ME3: variants seen among roughly 807,000 people sequenced by gnomAD.
ME3 encodes the protein NADP-dependent malic enzyme, mitochondrial.
Under a neutral mutation model 68.9 loss-of-function variants are expected in ME3, and 48 were observed. The ratio of observed to expected loss-of-function variants is 0.70; its 90% CI spans 0.55 to 0.89. ME3 has a LOEUF of 0.89. Among genes scored for constraint, ME3 ranks in the 40% least tolerant of loss-of-function variants. ME3 has a pLI of 0.00. For synonymous variants in ME3, 320 were observed against 318.8 expected (o/e 1.00, Z -0.04); for missense variants, 675 against 797.4 (o/e 0.85, Z 1.85).
At chr11:86,501,378 A>G (rs1952713687) in intron 5 of ME3, among the ~76,000 whole-genome samples, 1 of 152,216 alleles carries the variant, frequency 6.6e-6, no homozygotes, top group African/African-American at 2.4e-5. Context: ...CCAGTTTATC[A>G]TTAACACAGA....
At chr11:86,529,272 TC>T (rs1955016456) in intron 4 of ME3, among the ~76,000 whole-genome samples, 2 of 152,112 alleles carry the variant, frequency 1.3e-5, no homozygotes, top group African/African-American at 4.8e-5. Flanking sequence ...ATGGATAAAT[TC>T]CTCGACACAT....
chr11:86,543,253 G>T (rs985172538), intron 4 of ME3, among the ~76,000 whole-genome samples: 9 of 152,132 alleles, frequency 5.9e-5, no homozygotes, highest in African/African-American at 2.2e-4. Context: ...CAACTAATGG[G>T]CAAAGTAACA....
At chr11:86,645,279 C>A (rs776248534) in intron 2 of ME3, among the ~76,000 whole-genome samples, 1 of 152,170 alleles carries the variant, frequency 6.6e-6, no homozygotes, top group Non-Finnish European at 1.5e-5. Flanking sequence ...TCAGATCCCA[C>A]CCCCACAGAG....
chr11:86,444,550 T>A (rs868321219), intron 13 of ME3, among the ~76,000 whole-genome samples: 1 of 152,176 alleles, frequency 6.6e-6, no homozygotes, highest in African/African-American at 2.4e-5. Context: ...AGAAAAGTTA[T>A]CCTGAGAAGA....
intron 2 of ME3, among the ~76,000 whole-genome samples, chr11:86,636,212 C>G (rs1471795629): frequency 1.3e-5 from 2 of 151,008 alleles, no homozygotes; most frequent in Non-Finnish European, 3.0e-5. Context: ...GTTAAATCCT[C>G]TGTGAGAGCT....
At chr11:86,637,947 T>C (rs931708806) in intron 2 of ME3, among the ~76,000 whole-genome samples, 1 of 145,850 alleles carries the variant, frequency 6.9e-6, no homozygotes, top group Non-Finnish European at 1.5e-5. Context: ...TGAATATATA[T>C]GTGCAGACAT....
At chr11:86,494,087 A>G (rs1323032608) in intron 6 of ME3, among the ~76,000 whole-genome samples, 1 of 152,000 alleles carries the variant, frequency 6.6e-6, no homozygotes, top group Admixed American at 6.5e-5. Flanking sequence ...GGGAGATCAC[A>G]TAGTGAATCC....
intron 11 of ME3, among the ~76,000 whole-genome samples, chr11:86,447,563 A>AGGCCAGGT (rs796120709): frequency 6.6e-5 from 10 of 152,166 alleles, no homozygotes; most frequent in African/African-American, 2.4e-4. Context: ...TAGAGAGACC[A>AGGCCAGGT]GGCCAGGTGT....
intron 4 of ME3, among the ~76,000 whole-genome samples, chr11:86,543,183 C>A (rs1791443): frequency 0.16 from 24,551 of 152,138 alleles, 2,060 homozygotes; most frequent in East Asian, 0.26. Context: ...AAAGCTGGTA[C>A]CAGCCACTGC....
rs1565893925 is a variant in ME3 at position 86,521,418 on chromosome 11, C to CA, written c.468-12552dup. On this transcript the variant is annotated intron_variant, in intron 4 of 14. Coordinates refer to ENST00000543262, the Ensembl canonical transcript of ME3. ...TCAAAAACAAACAAACAAAACAAAA[C>CA]AAAACAAAACAAAAATAATAATAAT... 2.8e-4 allele frequency among the ~76,000 whole-genome samples: 26 copies of CA among 94,390 alleles called. 1 individual carries two copies. The highest frequency in any genetic ancestry group is 1.7e-3 in the South Asian group (5 of 2,886). The allele number at this position is 94,390 out of a possible 152,430, so 61.9% of individuals were successfully genotyped here. A position where few individuals can be genotyped will look rare whatever the true frequency, so the allele number is the denominator to read the frequency against.
chr11:86,567,444 C>T (rs1957550432), intron 2 of ME3, among the ~76,000 whole-genome samples: 1 of 152,148 alleles, frequency 6.6e-6, no homozygotes, highest in South Asian at 2.1e-4. Flanking sequence ...GGCACTTTCA[C>T]CAAAAGCCTT....
At chr11:86,549,299 A>G (rs1263572231) in intron 4 of ME3, among the ~76,000 whole-genome samples, 1 of 151,836 alleles carries the variant, frequency 6.6e-6, no homozygotes, top group Non-Finnish European at 1.5e-5. Flanking sequence ...TCTAGGGACC[A>G]CTCTTTCTGT....
chr11:86,596,181 A>C (rs1226673701), intron 2 of ME3, among the ~76,000 whole-genome samples: 2 of 152,116 alleles, frequency 1.3e-5, no homozygotes, highest in African/African-American at 4.8e-5. Flanking sequence ...GGGATTATTC[A>C]TTTTTTTCCA....
chr11:86,646,124 C>A (rs1343529378), intron 2 of ME3, among the ~76,000 whole-genome samples: 1 of 152,166 alleles, frequency 6.6e-6, no homozygotes, highest in Non-Finnish European at 1.5e-5. Flanking sequence ...CTGAAAATGC[C>A]AAAATCCAGA....
At chr11:86,546,996 T>A (rs1956396476) in intron 4 of ME3, among the ~76,000 whole-genome samples, 1 of 152,108 alleles carries the variant, frequency 6.6e-6, no homozygotes, top group African/African-American at 2.4e-5. Context: ...CCCAGCACTT[T>A]GGGAGGCCCA....
At chr11:86,613,542 G>A (rs567805474) in intron 2 of ME3, among the ~76,000 whole-genome samples, 2 of 152,272 alleles carry the variant, frequency 1.3e-5, no homozygotes, top group Non-Finnish European at 2.9e-5. Flanking sequence ...TCTATCTGCA[G>A]ATGACATGAT....
At chr11:86,659,316 T>C (rs2135480126) in intron 2 of ME3, among the ~76,000 whole-genome samples, 1 of 152,328 alleles carries the variant, frequency 6.6e-6, no homozygotes, top group South Asian at 2.1e-4. Flanking sequence ...TGAGGCTGAT[T>C]CAAGACCCTA....
At chr11:86,587,322 C>T (rs550086154) in intron 2 of ME3, among the ~76,000 whole-genome samples, 5 of 152,286 alleles carry the variant, frequency 3.3e-5, no homozygotes, top group African/African-American at 1.2e-4. Context: ...TTCATCAGGC[C>T]TGGGCAGGCA....
rs757380399 is a variant in ME3 at position 86,450,304 on chromosome 11, G to A, written c.1014C>T (p.Gly338=). 14 of 1,613,636 alleles carry A rather than the reference G, an allele frequency of 8.7e-6. No homozygotes were observed. The highest frequency in any genetic ancestry group is 6.7e-5 in the Admixed American group (4 of 59,998). Residue 338 remains glycine, a synonymous_variant, in exon 9 of 15, where the codon GGC becomes GGT. Coordinates refer to ENST00000543262, the Ensembl canonical transcript of ME3. The stretch of plus-strand genomic sequence containing the variant: ...AGAAACCCTCAATGCCACATACCTC[G>A]CCTGCACCTTGGAAAACAAACACGT...
Sources: gnomAD v4.1 joint callset for allele counts (sites outside exome capture counted in the v4.1 genomes callset) on GRCh38, gnomAD v4.1.1 for gene constraint, MANE v1.5 for transcripts, NCBI Gene and HGNC (gene_info 2026-07-23, HGNC 2026-07-21) for gene names.